The following NFIB variants were observed in gnomAD, a reference collection of about 807,000 sequenced individuals.
The protein encoded by NFIB is nuclear factor I B.
NFIB carries 11 observed loss-of-function variants against 61.5 expected under a neutral mutation model. That is an observed-to-expected ratio of 0.18 (90% CI 0.11 to 0.30). The LOEUF is 0.30. Among genes scored for constraint, NFIB ranks in the 10% least tolerant of loss-of-function variants. NFIB has a pLI of 1.00. For missense variants in NFIB, 471 were observed against 608.9 expected, an observed-to-expected ratio of 0.77 and a Z score of 2.38; for synonymous variants, 260 against 216.5, an observed-to-expected ratio of 1.20 and a Z score of -1.76.
chr9:14,127,752 T>C (rs1311203753), intron 6 of NFIB, among the ~76,000 whole-genome samples: 4 of 152,100 alleles, frequency 2.6e-5, no homozygotes, highest in African/African-American at 7.2e-5. Flanking sequence ...AAATTAAATA[T>C]GCATTTTCAG....
Position 14,086,717 on chromosome 9 carries a change from G to T in NFIB, c.*1592C>A. ...AATATTTTGTCATAAAAATGGTAAA[G>T]ATTTAAAATGATAATAAATGCAGCA... On this transcript the variant is annotated 3_prime_UTR_variant, in exon 11 of 11. Transcript: ENST00000380953. 4.8e-6 allele frequency: 1 copy of T among 207,052 alleles called. No individual in the cohort carries two copies. Among genetic ancestry groups the T allele is most frequent in the Non-Finnish European group, 9.8e-6 (1 of 102,046 alleles). The allele number at this position is 207,052 out of a possible 1,614,324, so 12.8% of individuals were successfully genotyped here.
At chr9:14,504,442 G>C in the NFIB span, among the ~76,000 whole-genome samples, 1 of 152,154 alleles carries the variant, frequency 6.6e-6, no homozygotes, top group African/African-American at 2.4e-5. Context: ...TCACAATATT[G>C]ATTCTACCCA....
the NFIB span, among the ~76,000 whole-genome samples, chr9:14,469,077 T>C: frequency 6.6e-6 from 1 of 152,156 alleles, no homozygotes; most frequent in Admixed American, 6.5e-5. Context: ...ACACCAGTGG[T>C]CCTGTGTCTA....
the NFIB span, among the ~76,000 whole-genome samples, chr9:14,519,752 C>G: frequency 7.9e-5 from 12 of 152,246 alleles, no homozygotes; most frequent in African/African-American, 2.6e-4. Flanking sequence ...CCTGCTACTA[C>G]CCCCACAAAA....
chr9:14,498,513 A>G, the NFIB span, among the ~76,000 whole-genome samples: 8 of 152,214 alleles, frequency 5.3e-5, no homozygotes, highest in Non-Finnish European at 7.3e-5. Flanking sequence ...ACAAAATAGG[A>G]CAAAACCACC....
intron 2 of NFIB, among the ~76,000 whole-genome samples, chr9:14,302,272 G>A (rs1044676901): frequency 2.0e-5 from 3 of 152,204 alleles, no homozygotes; most frequent in African/African-American, 4.8e-5. Context: ...TTCAGTAACT[G>A]TAGGAAGAAA....
chr9:14,281,151 A>G (rs2058348192), intron 2 of NFIB, among the ~76,000 whole-genome samples: 1 of 152,228 alleles, frequency 6.6e-6, no homozygotes, highest in Admixed American at 6.5e-5. Flanking sequence ...TGAACATTCA[A>G]AAGATTAATC....
the NFIB span, among the ~76,000 whole-genome samples, chr9:14,503,401 C>A: frequency 6.6e-6 from 1 of 152,132 alleles, no homozygotes; most frequent in Admixed American, 6.6e-5. Context: ...AGTTGACATT[C>A]CCACCAACAG....
At chr9:14,273,877 T>C (rs1282599687) in intron 2 of NFIB, among the ~76,000 whole-genome samples, 2 of 152,214 alleles carry the variant, frequency 1.3e-5, no homozygotes, top group African/African-American at 2.4e-5. Flanking sequence ...TGTAGGCTTT[T>C]GGTGCCCCCG....
chr9:14,516,299 G>A, the NFIB span, among the ~76,000 whole-genome samples: 1 of 152,224 alleles, frequency 6.6e-6, no homozygotes, highest in Non-Finnish European at 1.5e-5. Flanking sequence ...TCTATTACCA[G>A]TGATTTAAGG....
intron 1 of NFIB, among the ~76,000 whole-genome samples, chr9:14,381,073 CAAAAAAAAAA>C (rs34848529): frequency 1.1e-4 from 9 of 82,550 alleles, no homozygotes; most frequent in East Asian, 3.8e-4. Context: ...GACTCCGTCT[CAAAAAAAAAA>C]AAAAAAAAAA....
intron 10 of NFIB, among the ~76,000 whole-genome samples, chr9:14,103,304 G>A (rs1027095373): frequency 1.4e-5 from 2 of 147,078 alleles, no homozygotes; most frequent in Non-Finnish European, 3.0e-5. Context: ...AAGATATATT[G>A]CTTATTTTTA....
chr9:14,320,559 T>C (rs1295237253), intron 1 of NFIB, among the ~76,000 whole-genome samples: 2 of 152,220 alleles, frequency 1.3e-5, no homozygotes, highest in East Asian at 3.9e-4. Context: ...CACAAACTCT[T>C]TGCAGTTTTT....
At chr9:14,137,810 A>C (rs1362536838) in intron 6 of NFIB, among the ~76,000 whole-genome samples, 1 of 152,154 alleles carries the variant, frequency 6.6e-6, no homozygotes, top group Non-Finnish European at 1.5e-5. Context: ...TCTAGAACTT[A>C]GGATTATTTA....
At chr9:14,125,220 C>T (rs954368374) in intron 7 of NFIB, among the ~76,000 whole-genome samples, 1 of 152,296 alleles carries the variant, frequency 6.6e-6, no homozygotes, top group East Asian at 1.9e-4. Context: ...TGCAGTGGCA[C>T]GATCTCGGCT....
At chr9:14,428,463 G>C in the NFIB span, among the ~76,000 whole-genome samples, 1 of 152,152 alleles carries the variant, frequency 6.6e-6, no homozygotes, top group Non-Finnish European at 1.5e-5. Context: ...TTATGTTTTG[G>C]AGATTGGGGG....
rs577907759 is a variant in NFIB, at chr9:14,164,568, G to A, written c.617-8675C>T. ...ACTGACCTATCATGATGTGGTACAT[G>A]ACATACAAATATAAAAAGAAGACAT... On this transcript the variant is annotated intron_variant, in intron 3 of 10. Coordinates refer to ENST00000380953, the MANE Select transcript of NFIB (RefSeq NM_001190737.2). 2.6e-5 allele frequency among the ~76,000 whole-genome samples: 4 copies of A among 152,186 alleles called. No homozygotes were observed. In the South Asian group the frequency reaches 6.2e-4, roughly 24 times the overall value.
At chr9:14,094,762 T>C (rs1003480654) in intron 10 of NFIB, among the ~76,000 whole-genome samples, 2 of 152,082 alleles carry the variant, frequency 1.3e-5, no homozygotes, top group African/African-American at 4.8e-5. Flanking sequence ...GAGAAACATA[T>C]TTGTTTCTTA....
At chr9:14,466,239 T>A in the NFIB span, among the ~76,000 whole-genome samples, 1 of 152,206 alleles carries the variant, frequency 6.6e-6, no homozygotes, top group African/African-American at 2.4e-5. Flanking sequence ...CTCAAATGAT[T>A]AGTTAATTAT....
Sources: allele counts gnomAD v4.1 joint callset (sites outside exome capture counted in the v4.1 genomes callset), GRCh38; gene constraint gnomAD v4.1.1; transcripts MANE v1.5; gene names NCBI Gene and HGNC (gene_info 2026-07-23, HGNC 2026-07-21).